Variants in GALNT17 observed in about 807,000 individuals in gnomAD.
GALNT17 encodes polypeptide N-acetylgalactosaminyltransferase 17.
A neutral mutation model predicts 63.7 loss-of-function variants in GALNT17; 29 were observed. The ratio of observed to expected loss-of-function variants is 0.46; its 90% CI spans 0.34 to 0.62. The LOEUF is 0.62. Among genes scored for constraint, GALNT17 ranks in the 20% least tolerant of loss-of-function variants. GALNT17 has a pLI of 0.01. For synonymous variants in GALNT17, 305 were observed against 318.3 expected (o/e 0.96, Z 0.45); for missense variants, 603 against 799.6 (o/e 0.75, Z 2.97).
chr7:71,376,172 T>C (rs1402841917), intron 2 of GALNT17, among the ~76,000 whole-genome samples: 1 of 152,176 alleles, frequency 6.6e-6, no homozygotes, highest in Non-Finnish European at 1.5e-5. Context: ...TTATTTCTAA[T>C]TTGCATTATT....
intron 6 of GALNT17, among the ~76,000 whole-genome samples, chr7:71,642,743 G>A (rs531805711): frequency 5.9e-5 from 9 of 152,008 alleles, no homozygotes; most frequent in Non-Finnish European, 1.0e-4. Flanking sequence ...GCTGAGACAC[G>A]AGAATCACTT....
chr7:71,136,046 G>A (rs1178891085), intron 1 of GALNT17, among the ~76,000 whole-genome samples: 1 of 152,154 alleles, frequency 6.6e-6, no homozygotes, highest in Non-Finnish European at 1.5e-5. Context: ...AAAGAGCAGG[G>A]AAAAATTGTG....
At chr7:71,644,286 C>G (rs973625038) in intron 6 of GALNT17, among the ~76,000 whole-genome samples, 16 of 151,370 alleles carry the variant, frequency 1.1e-4, no homozygotes, top group Non-Finnish European at 1.5e-5. Context: ...CCTGTAATCC[C>G]AGCACTTTGG....
At chr7:71,329,066 A>G (rs1354333569) in intron 1 of GALNT17, among the ~76,000 whole-genome samples, 1 of 152,182 alleles carries the variant, frequency 6.6e-6, no homozygotes, top group Non-Finnish European at 1.5e-5. Context: ...AGATGGAACA[A>G]AAGATATGCT....
chr7:71,297,254 C>T (rs6957946), intron 1 of GALNT17, among the ~76,000 whole-genome samples: 50,799 of 151,992 alleles, frequency 0.33, 8,703 homozygotes, highest in East Asian at 0.51. Context: ...CACCAAAAGA[C>T]GCCTGGGGCC....
intron 1 of GALNT17, among the ~76,000 whole-genome samples, chr7:71,295,744 G>A (rs1436760599): frequency 2.0e-5 from 3 of 151,910 alleles, no homozygotes; most frequent in African/African-American, 4.8e-5. Flanking sequence ...AACTACAGGT[G>A]CACACCATCA....
chr7:71,239,503 T>A (rs1255297938), intron 1 of GALNT17, among the ~76,000 whole-genome samples: 1 of 152,170 alleles, frequency 6.6e-6, no homozygotes. Flanking sequence ...AATAAAAAAA[T>A]ACTGTGTTCA....
intron 5 of GALNT17, among the ~76,000 whole-genome samples, chr7:71,503,409 G>C (rs1030881088): frequency 6.6e-6 from 1 of 152,072 alleles, no homozygotes; most frequent in Non-Finnish European, 1.5e-5. Flanking sequence ...CCTAATTTTT[G>C]TATTTTTAGT....
chr7:71,575,214 C>T (rs1006701859), intron 6 of GALNT17, among the ~76,000 whole-genome samples: 1 of 152,078 alleles, frequency 6.6e-6, no homozygotes, highest in Admixed American at 6.6e-5. Flanking sequence ...AGAAATCCAT[C>T]CCCACCGCCT....
At chr7:71,498,638 A>C (rs1257820202) in intron 5 of GALNT17, among the ~76,000 whole-genome samples, 1 of 152,168 alleles carries the variant, frequency 6.6e-6, no homozygotes, top group African/African-American at 2.4e-5. Context: ...TCAAGTGTAC[A>C]AGGAGGAGAT....
chr7:71,177,190 C>T (rs1264814581), intron 1 of GALNT17, among the ~76,000 whole-genome samples: 2 of 152,142 alleles, frequency 1.3e-5, no homozygotes, highest in Non-Finnish European at 2.9e-5. Context: ...ACTGATCTCT[C>T]TTGGTATCCA....
intron 1 of GALNT17, among the ~76,000 whole-genome samples, chr7:71,316,275 G>GGGTCTGATCAGGATACT (rs1448348274): frequency 6.6e-6 from 1 of 150,690 alleles, no homozygotes; most frequent in South Asian, 2.1e-4. Flanking sequence ...CCTGATCTGT[G>GGGTCTGATCAGGATACT]GATCTGTGGA....
At chr7:71,333,135 A>G (rs969318053) in intron 1 of GALNT17, among the ~76,000 whole-genome samples, 8 of 152,240 alleles carry the variant, frequency 5.3e-5, no homozygotes, top group Admixed American at 6.5e-5. Context: ...ATACATATTA[A>G]CAGTCACTGT....
At chr7:71,274,260 A>T (rs1408817812) in intron 1 of GALNT17, among the ~76,000 whole-genome samples, 3 of 152,200 alleles carry the variant, frequency 2.0e-5, no homozygotes, top group Non-Finnish European at 4.4e-5. Context: ...TTTGAGGGAC[A>T]TTCTGCTTTT....
chr7:71,564,584 C>T (rs1789309205), intron 5 of GALNT17, among the ~76,000 whole-genome samples: 1 of 114,592 alleles, frequency 8.7e-6, no homozygotes. Flanking sequence ...CTGCACCCAG[C>T]CAGTTAGGAC....
At chr7:71,472,686 A>AAAACT (rs565689948) in intron 5 of GALNT17, among the ~76,000 whole-genome samples, 4,310 of 152,166 alleles carry the variant, frequency 0.028, 86 homozygotes, top group African/African-American at 0.054. Context: ...CTTTGTCTCA[A>AAAACT]AAACTAAACT....
intron 2 of GALNT17, among the ~76,000 whole-genome samples, chr7:71,375,069 A>G (rs971736429): frequency 2.0e-5 from 3 of 151,878 alleles, no homozygotes; most frequent in African/African-American, 7.3e-5. Context: ...TGAACTCCTG[A>G]CCTCAGATGA....
In GALNT17 at chr7:71,321,867, TTTCC is replaced by T. The variant is rs1178713360; in HGVS notation, c.239-13630_239-13627del. ...TTCCTTCCTTTCCTTCCTTCCTTCCTTTCCTTCCTTCCTTCCTTCCTTCCTTCCT... is the reference window on the plus strand; with the variant it reads ...TTCCTTCCTTTCCTTCCTTCCTTCCTTTCCTTCCTTCCTTCCTTCCTTCCT... On this transcript the variant is annotated intron_variant, in intron 1 of 10. Transcript: ENST00000333538. Among the ~76,000 whole-genome samples the T allele has an allele frequency of 6.2e-3, 288 of 46,826 alleles. 1 individual carries two copies. Among genetic ancestry groups the T allele is most frequent in the Non-Finnish European group, 7.9e-3 (188 of 23,772 alleles). 30.7% of individuals were successfully genotyped at this position (46,826 alleles called of 152,430 possible).
At chr7:71,529,751 A>G (rs1788683710) in intron 5 of GALNT17, among the ~76,000 whole-genome samples, 1 of 152,144 alleles carries the variant, frequency 6.6e-6, no homozygotes, top group East Asian at 1.9e-4. Context: ...ACATGTAACT[A>G]CTCTGTAAGA....
Sources: allele counts gnomAD v4.1 joint callset (sites outside exome capture counted in the v4.1 genomes callset), GRCh38; gene constraint gnomAD v4.1.1; transcripts MANE v1.5; gene names NCBI Gene and HGNC (gene_info 2026-07-23, HGNC 2026-07-21).